Variants in ME2 observed in about 807,000 individuals in gnomAD.
The protein encoded by ME2 is malic enzyme 2, also known as NAD-dependent malic enzyme, mitochondrial.
ME2 carries 60 observed loss-of-function variants against 73.7 expected under a neutral mutation model. The observed-to-expected ratio is 0.81, with a 90% CI of 0.66 to 1.01. The LOEUF is 1.01. Among genes scored for constraint, ME2 ranks in the 50% least tolerant of loss-of-function variants. The pLI, the probability that ME2 is intolerant of heterozygous loss-of-function variation, is 0.00. For missense variants in ME2, 594 were observed against 705.5 expected, an observed-to-expected ratio of 0.84 and a Z score of 1.79; for synonymous variants, 199 against 236.9, an observed-to-expected ratio of 0.84 and a Z score of 1.47.
chr18:50,927,922 T>C (rs998420459), intron 12 of ME2, among the ~76,000 whole-genome samples: 3 of 148,446 alleles, frequency 2.0e-5, no homozygotes, highest in Non-Finnish European at 4.5e-5. Flanking sequence ...CAAGTAATCC[T>C]CTTGCCTCAG....
At chr18:50,882,713 C>A (rs1368792280) in intron 1 of ME2, among the ~76,000 whole-genome samples, 5 of 152,136 alleles carry the variant, frequency 3.3e-5, no homozygotes, top group African/African-American at 1.2e-4. Flanking sequence ...CTTTGGGAGC[C>A]AGAGGTGGAT....
intron 10 of ME2, among the ~76,000 whole-genome samples, 177 bp from the exon 11 acceptor site, chr18:50,923,921 T>A (rs1048611440): frequency 2.6e-5 from 4 of 152,126 alleles, no homozygotes; most frequent in African/African-American, 9.7e-5. Context: ...TGTTTTATAT[T>A]TGAGTTTATG....
intron 4 of ME2, among the ~76,000 whole-genome samples, chr18:50,913,676 G>A (rs1454328999): frequency 6.6e-6 from 1 of 151,846 alleles, no homozygotes; most frequent in Non-Finnish European, 1.5e-5. Context: ...AATAGTTGTA[G>A]CACCTACAAA....
intron 10 of ME2, 76 bp downstream of exon 10, chr18:50,921,263 A>G: frequency 1.4e-6 from 1 of 726,082 alleles, no homozygotes; most frequent in Non-Finnish European, 2.2e-6. Context: ...TTATTCCTTA[A>G]AATCTTGTTT....
intron 5 of ME2, chr18:50,917,115 A>G (rs1917304287): frequency 5.4e-6 from 2 of 371,434 alleles, no homozygotes; most frequent in Non-Finnish European, 9.9e-6. Context: ...GAAGAATTCT[A>G]TTCCTAAACC....
At position 50,918,172 on chromosome 18, in the gene ME2, T is replaced by A; in HGVS notation, c.693T>A (p.Tyr231Ter). The A allele has an allele frequency of 6.2e-7, 1 of 1,610,996 alleles. No individual in the cohort carries two copies. The highest frequency in any genetic ancestry group is 1.3e-5 in the African/African-American group (1 of 75,004). Residue 231 changes from tyrosine to a stop codon, truncating the protein, a stop_gained, in exon 7 of 16, where the codon TAT becomes TAA. Transcript: ENST00000321341. LOFTEE classifies it high-confidence loss of function. Reference sequence around the variant, plus strand: ...AGAAACGAGATCGCACACAACAGTATGATGACCTGATTGATGAGTTTATGA... The same window carrying A: ...AGAAACGAGATCGCACACAACAGTAAGATGACCTGATTGATGAGTTTATGA... The part of the protein sequence containing the change: ...LYQKRDRTQQ[Y>*]DDLIDEFMKA...
At position 50,894,366 on chromosome 18, in the gene ME2, C is replaced by T. The variant is rs186350063; in HGVS notation, c.-12-1443C>T. 2.3e-3 allele frequency among the ~76,000 whole-genome samples: 347 copies of T among 149,514 alleles called. 2 individuals carry two copies. Among genetic ancestry groups the T allele is most frequent in the African/African-American group, 8.4e-3 (339 of 40,576 alleles). On this transcript the variant is annotated intron_variant, in intron 1 of 15. Coordinates refer to ENST00000321341, the MANE Select transcript of ME2 (RefSeq NM_002396.5). Reference sequence around the variant, plus strand: ...ATCACCTGAGGTCAGGAGTTCAAGACCAGCCTGGCCAACATGGTGAAACCC... The same window carrying T: ...ATCACCTGAGGTCAGGAGTTCAAGATCAGCCTGGCCAACATGGTGAAACCC...
At chr18:50,922,097 G>A (rs908405620) in intron 10 of ME2, among the ~76,000 whole-genome samples, 4 of 152,142 alleles carry the variant, frequency 2.6e-5, no homozygotes, top group African/African-American at 9.7e-5. Flanking sequence ...CTTTGTTCCA[G>A]TTCTAAAATC....
chr18:50,950,318 A>G lies in ME2; in HGVS notation c.*3134A>G, dbSNP rs942781273. ...CCTCCCTCCAGGCCCCCGGGGGCAG[A>G]GCCCTGGCTGGTGTCTCTTCAGGAG... On this transcript the variant is annotated 3_prime_UTR_variant, in exon 16 of 16. Transcript: ENST00000321341. The G allele has an allele frequency of 2.0e-5, 3 of 152,162 alleles. No homozygotes were observed. The highest frequency in any genetic ancestry group is 6.6e-5 in the Admixed American group (1 of 15,262). 9.4% of individuals were successfully genotyped at this position (152,162 alleles called of 1,614,324 possible). A position where few individuals can be genotyped will look rare whatever the true frequency, so the allele number is the denominator to read the frequency against.
rs201408498 is a variant in ME2, at chr18:50,917,617, AT to A, written c.630+118del. 156 of 711,412 alleles carry A rather than the reference AT, an allele frequency of 2.2e-4. 1 individual carries two copies. Among genetic ancestry groups the A allele is most frequent in the East Asian group, 2.1e-3 (67 of 31,198 alleles). 44.1% of individuals were successfully genotyped at this position (711,412 alleles called of 1,614,324 possible). Reference sequence around the variant, plus strand: ...TAAGAAGGGAAAGTTTTATGATTAGATTTTTTTTTCTTAAACTCCACTTTTA... The same window carrying A: ...TAAGAAGGGAAAGTTTTATGATTAGATTTTTTTTCTTAAACTCCACTTTTA... On this transcript the variant is annotated intron_variant, in intron 6 of 15. Coordinates refer to ENST00000321341, the MANE Select transcript of ME2 (RefSeq NM_002396.5).
At chr18:50,932,480 G>A (rs1222797886) in intron 13 of ME2, 120 bp downstream of exon 13, 5 of 612,280 alleles carry the variant, frequency 8.2e-6, no homozygotes, top group Admixed American at 3.7e-5. Flanking sequence ...TGGTATAAAT[G>A]TACAAGGAAA....
chr18:50,881,169 C>T (rs984479622), intron 1 of ME2, among the ~76,000 whole-genome samples: 1 of 152,182 alleles, frequency 6.6e-6, no homozygotes, highest in Non-Finnish European at 1.5e-5. Context: ...GCTGGGACTA[C>T]AGGCATGCAC....
rs187677864 is a variant in ME2, at chr18:50,894,860, G to C, written c.-12-949G>C. On this transcript the variant is annotated intron_variant, in intron 1 of 15. Coordinates refer to ENST00000321341, the MANE Select transcript of ME2 (RefSeq NM_002396.5). ...CCACTGCACTCCAGCCTGGGCAACA[G>C]AGCGAGACTCCATCTCAAAAAAAAA... Among the ~76,000 whole-genome samples, 1,285 of 147,874 alleles carry C rather than the reference G, an allele frequency of 8.7e-3. 7 individuals carry two copies. The highest frequency in any genetic ancestry group is 0.014 in the Non-Finnish European group (922 of 67,394).
At chr18:50,895,968 T>C in intron 2 of ME2, 40 bp downstream of exon 2, 1 of 1,369,300 alleles carries the variant, frequency 7.3e-7, no homozygotes, top group South Asian at 1.2e-5. Flanking sequence ...TCTCTCTTCT[T>C]ATTAAAGTTT....
chr18:50,914,431 C>G (rs1917237823), intron 4 of ME2, among the ~76,000 whole-genome samples: 1 of 152,174 alleles, frequency 6.6e-6, no homozygotes, highest in Admixed American at 6.5e-5. Context: ...TGGTGTAATT[C>G]TGATGTATAC....
intron 1 of ME2, among the ~76,000 whole-genome samples, chr18:50,881,693 C>T (rs2144172444): frequency 6.6e-6 from 1 of 152,194 alleles, no homozygotes; most frequent in African/African-American, 2.4e-5. Flanking sequence ...ATCCTTATAG[C>T]CTCTTATATT....
In ME2 at chr18:50,917,396, G is replaced by T. The variant is rs746382760; in HGVS notation, c.518G>T (p.Gly173Val). The change falls in exon 6 of 16, where the codon GGT (glycine) becomes GTT (valine). Residue 173 changes from glycine (G) to valine (V), a missense_variant. By Grantham distance (109) the Gly-to-Val change is moderately radical. Transcript: ENST00000321341. The part of the protein sequence containing the change: ...GERILGLGDL[G>V]VYGMGIPVGK... ...AGAATTCTGGGTCTTGGAGATCTGG[G>T]TGTCTATGGAATGGGAATTCCAGTA... 2 of 1,613,644 alleles carry T rather than the reference G, an allele frequency of 1.2e-6. No homozygotes were observed. The highest frequency in any genetic ancestry group is 1.1e-5 in the South Asian group (1 of 91,062).
chr18:50,924,201 C>T lies in ME2; in HGVS notation c.1160C>T (p.Ser387Leu), dbSNP rs1917493385. Residue 387 changes from serine (S) to leucine (L), a missense_variant, in exon 11 of 16, where the codon TCA becomes TTA. By Grantham distance (145) the Ser-to-Leu change is moderately radical. Transcript: ENST00000321341. ...GATGCAGTGAATATACTGAAGCCTT[C>T]AACTATAATTGGTAGGTAAAGTTTT... is the stretch of plus-strand genomic sequence containing the variant. ...FEDAVNILKPSTIIGVAGAGR... is the reference protein window; with the variant it reads ...FEDAVNILKPLTIIGVAGAGR... 6.2e-7 allele frequency: 1 copy of T among 1,603,076 alleles called. No homozygotes were observed. The highest frequency in any genetic ancestry group is 8.5e-7 in the Non-Finnish European group (1 of 1,173,634).
At position 50,917,485 on chromosome 18, in the gene ME2, A is replaced by T. The variant is rs1306996917; in HGVS notation, c.607A>T (p.Ile203Phe). 4.3e-6 allele frequency: 7 copies of T among 1,611,280 alleles called. No individual in the cohort carries two copies. In the African/African-American group the frequency reaches 6.7e-5, roughly 15 times the overall value. Reference sequence around the variant, plus strand: ...GCCTGATAGATGCCTGCCAGTGTGTATTGATGTGGGAACTGATAATATCGT... The same window carrying T: ...GCCTGATAGATGCCTGCCAGTGTGTTTTGATGTGGGAACTGATAATATCGT... ...IRPDRCLPVC[I>F]DVGTDNIALL... The change falls in exon 6 of 16, where the codon ATT (isoleucine) becomes TTT (phenylalanine). Residue 203 changes from isoleucine (I) to phenylalanine (F), a missense_variant. By Grantham distance (21) the Ile-to-Phe change is conservative. Transcript: ENST00000321341.
Sources: allele counts gnomAD v4.1 joint callset (sites outside exome capture counted in the v4.1 genomes callset), GRCh38; gene constraint gnomAD v4.1.1; transcripts MANE v1.5; gene names NCBI Gene and HGNC (gene_info 2026-07-23, HGNC 2026-07-21).